Variants in RAD51B observed in about 807,000 individuals in gnomAD.
RAD51B encodes RAD51 paralog B, also known as DNA repair protein RAD51 homolog 2.
Under a neutral mutation model 42.2 loss-of-function variants are expected in RAD51B, and 38 were observed. That is an observed-to-expected ratio of 0.90 (90% CI 0.70 to 1.18). RAD51B has a LOEUF of 1.18. RAD51B is among the 50% of genes most tolerant of loss of function. The pLI is 0.00. For missense variants in RAD51B, 373 were observed against 400.7 expected, an observed-to-expected ratio of 0.93 and a Z score of 0.59; for synonymous variants, 154 against 145.2, an observed-to-expected ratio of 1.06 and a Z score of -0.43.
chr14:68,252,892 C>G (rs2080667312), intron 7 of RAD51B, among the ~76,000 whole-genome samples: 1 of 152,054 alleles, frequency 6.6e-6, no homozygotes, highest in South Asian at 2.1e-4. Context: ...ACCAGCCTAG[C>G]CAACATGGCG....
intron 9 of RAD51B, among the ~76,000 whole-genome samples, chr14:68,413,870 G>A (rs533484407): frequency 3.3e-5 from 5 of 152,246 alleles, no homozygotes; most frequent in African/African-American, 1.2e-4. Context: ...TAATTCTAGG[G>A]TAGTAAGACC....
chr14:67,946,352 C>CTT (rs201862167), intron 7 of RAD51B, among the ~76,000 whole-genome samples: 1 of 151,386 alleles, frequency 6.6e-6, no homozygotes, highest in African/African-American at 2.4e-5. Flanking sequence ...AATAGTTCCT[C>CTT]TTTTTTGTTG....
intron 7 of RAD51B, among the ~76,000 whole-genome samples, chr14:68,234,920 T>C (rs2080216472): frequency 6.6e-6 from 1 of 152,232 alleles, no homozygotes; most frequent in South Asian, 2.1e-4. Flanking sequence ...GACTCTTTTG[T>C]AGTAAAACTT....
intron 7 of RAD51B, among the ~76,000 whole-genome samples, chr14:68,050,486 G>C (rs2140417757): frequency 6.6e-6 from 1 of 152,110 alleles, no homozygotes; most frequent in East Asian, 1.9e-4. Context: ...ATGTAATACA[G>C]TTTTGAATCC....
chr14:68,420,380 A>G (rs536904880), intron 9 of RAD51B, among the ~76,000 whole-genome samples: 34 of 152,260 alleles, frequency 2.2e-4, no homozygotes, highest in Non-Finnish European at 4.6e-4. Flanking sequence ...GGAATAAAGT[A>G]TGGCTACTCC....
At chr14:68,511,130 A>G (rs1481034438) in intron 10 of RAD51B, among the ~76,000 whole-genome samples, 7 of 152,196 alleles carry the variant, frequency 4.6e-5, no homozygotes, top group African/African-American at 1.7e-4. Context: ...AAGGAGTCTG[A>G]ATTCTGCTGA....
intron 8 of RAD51B, among the ~76,000 whole-genome samples, chr14:68,316,223 C>T: frequency 6.6e-6 from 1 of 152,214 alleles, no homozygotes. Context: ...TTCTGCATTT[C>T]ACCTACCCAA....
At chr14:68,183,488 G>A (rs1366701401) in intron 7 of RAD51B, among the ~76,000 whole-genome samples, 1 of 152,108 alleles carries the variant, frequency 6.6e-6, no homozygotes, top group Non-Finnish European at 1.5e-5. Context: ...TGACTCAAAT[G>A]TTTAACTTTT....
At chr14:68,500,163 C>G (rs150494817) in intron 10 of RAD51B, among the ~76,000 whole-genome samples, 6 of 152,100 alleles carry the variant, frequency 3.9e-5, no homozygotes, top group Non-Finnish European at 7.4e-5. Context: ...TACTAAGGAC[C>G]AAGGAAGTTC....
At chr14:68,412,265 T>C (rs924432222) in intron 9 of RAD51B, among the ~76,000 whole-genome samples, 6 of 149,162 alleles carry the variant, frequency 4.0e-5, no homozygotes, top group African/African-American at 1.6e-4. Flanking sequence ...AACTTTATCC[T>C]GCTGTGTGAC....
At chr14:68,523,749 A>G (rs1886743258) in intron 10 of RAD51B, among the ~76,000 whole-genome samples, 1 of 152,190 alleles carries the variant, frequency 6.6e-6, no homozygotes, top group South Asian at 2.1e-4. Flanking sequence ...TGTCCTCCAT[A>G]CACAAAGGTT....
chr14:67,864,311 A>T (rs2042256714), intron 4 of RAD51B, among the ~76,000 whole-genome samples: 1 of 152,208 alleles, frequency 6.6e-6, no homozygotes, highest in African/African-American at 2.4e-5. Flanking sequence ...TTCAACTTTT[A>T]TAATCTCAAA....
chr14:68,104,563 G>T (rs1458149168), intron 7 of RAD51B, among the ~76,000 whole-genome samples: 3 of 152,222 alleles, frequency 2.0e-5, no homozygotes, highest in East Asian at 3.9e-4. Flanking sequence ...CCACTTCATT[G>T]CATATTCTAC....
At chr14:67,846,871 T>C (rs1203314391) in intron 4 of RAD51B, among the ~76,000 whole-genome samples, 1 of 152,148 alleles carries the variant, frequency 6.6e-6, no homozygotes, top group East Asian at 1.9e-4. Context: ...CTGCAGACAT[T>C]ACTGCACCAA....
At chr14:68,633,584 A>C (rs1485103415) in intron 10 of RAD51B, among the ~76,000 whole-genome samples, 1 of 152,200 alleles carries the variant, frequency 6.6e-6, no homozygotes, top group Non-Finnish European at 1.5e-5. Context: ...GGGGGAAGTT[A>C]GCTCTGTTCT....
At chr14:68,311,545 A>G (rs1345873825) in intron 8 of RAD51B, among the ~76,000 whole-genome samples, 1 of 152,098 alleles carries the variant, frequency 6.6e-6, no homozygotes, top group Admixed American at 6.5e-5. Context: ...TGTTAAGAAG[A>G]CTCCACCCAT....
At chr14:68,581,798 A>G (rs1366586145) in intron 10 of RAD51B, among the ~76,000 whole-genome samples, 1 of 152,246 alleles carries the variant, frequency 6.6e-6, no homozygotes, top group Non-Finnish European at 1.5e-5. Context: ...TGGTACTAGT[A>G]CCAAAACAGA....
At chr14:68,502,894 C>T (rs1232357598) in intron 10 of RAD51B, among the ~76,000 whole-genome samples, 47 of 152,234 alleles carry the variant, frequency 3.1e-4, no homozygotes, top group Middle Eastern at 3.4e-3. Context: ...GCCATATCTG[C>T]CAGGGAACAT....
intron 8 of RAD51B, among the ~76,000 whole-genome samples, chr14:68,349,058 G>C (rs8018353): frequency 2.6e-5 from 4 of 152,202 alleles, no homozygotes; most frequent in African/African-American, 9.7e-5. Context: ...AAATGAGCAT[G>C]GCTGTGTTCA....
Sources: gnomAD v4.1 joint callset for allele counts (sites outside exome capture counted in the v4.1 genomes callset) on GRCh38, gnomAD v4.1.1 for gene constraint, MANE v1.5 for transcripts, NCBI Gene and HGNC (gene_info 2026-07-23, HGNC 2026-07-21) for gene names.